Variants in SCN11A observed in about 807,000 individuals in gnomAD.
The protein encoded by SCN11A is sodium channel protein type 11 subunit alpha.
SCN11A carries 122 observed loss-of-function variants against 162.2 expected under a neutral mutation model. The ratio of observed to expected loss-of-function variants is 0.75; its 90% CI spans 0.65 to 0.87. The LOEUF is 0.87. SCN11A is among the 40% of genes least tolerant of loss of function. SCN11A has a pLI of 0.00. For missense variants in SCN11A, 2,015 were observed against 2,181.6 expected, an observed-to-expected ratio of 0.92 and a Z score of 1.52; for synonymous variants, 758 against 751.5, an observed-to-expected ratio of 1.01 and a Z score of -0.14.
chr3:38,910,980 A>G (rs1424146640), intron 11 of SCN11A, among the ~76,000 whole-genome samples: 1 of 152,210 alleles, frequency 6.6e-6, no homozygotes, highest in African/African-American at 2.4e-5. Context: ...CATGCACCAA[A>G]AAGCTTATAA....
At chr3:38,933,429 C>T (rs2125561001) in intron 7 of SCN11A, among the ~76,000 whole-genome samples, 1 of 152,282 alleles carries the variant, frequency 6.6e-6, no homozygotes, top group Middle Eastern at 3.4e-3. Context: ...CTACTCCGAG[C>T]TACAGGAGGA....
chr3:39,009,176 AAAT>A (rs1398043266), intron 2 of SCN11A, among the ~76,000 whole-genome samples: 2 of 152,100 alleles, frequency 1.3e-5, no homozygotes, highest in Non-Finnish European at 2.9e-5. Context: ...AAAATATGTA[AAAT>A]AATATCATTC....
chr3:38,996,157 T>TA (rs200258380), intron 2 of SCN11A, among the ~76,000 whole-genome samples: 1 of 152,176 alleles, frequency 6.6e-6, no homozygotes, highest in Non-Finnish European at 1.5e-5. Flanking sequence ...CTATAAGAAA[T>TA]AAATTTTTTT....
chr3:38,916,339 G>A (rs1328378971), intron 11 of SCN11A, among the ~76,000 whole-genome samples: 6 of 152,020 alleles, frequency 3.9e-5, no homozygotes, highest in Non-Finnish European at 8.8e-5. Context: ...TAGTCTTTCT[G>A]TCTCCTAAAC....
intron 2 of SCN11A, among the ~76,000 whole-genome samples, chr3:39,010,069 T>C (rs1231485815): frequency 6.6e-6 from 1 of 152,056 alleles, no homozygotes; most frequent in Admixed American, 6.5e-5. Flanking sequence ...TAGGGGCAAG[T>C]CTAGTTAAAC....
At chr3:39,023,989 GT>G (rs1468166805) in intron 2 of SCN11A, among the ~76,000 whole-genome samples, 1 of 152,104 alleles carries the variant, frequency 6.6e-6, no homozygotes, top group Admixed American at 6.6e-5. Context: ...CCAATCACCA[GT>G]TTTTTCTGTC....
intron 18 of SCN11A, among the ~76,000 whole-genome samples, chr3:38,895,919 A>C (rs1272384051): frequency 6.6e-6 from 1 of 152,168 alleles, no homozygotes; most frequent in Non-Finnish European, 1.5e-5. Context: ...GGATAAAGCT[A>C]TCGTGTGTAG....
At chr3:38,964,600 A>G (rs1441837821) in intron 2 of SCN11A, among the ~76,000 whole-genome samples, 1 of 152,230 alleles carries the variant, frequency 6.6e-6, no homozygotes, top group Non-Finnish European at 1.5e-5. Flanking sequence ...AAACTGAAGC[A>G]TAGAGGATGA....
intron 22 of SCN11A, among the ~76,000 whole-genome samples, chr3:38,881,402 G>T (rs2065306812): frequency 6.6e-6 from 1 of 152,164 alleles, no homozygotes; most frequent in Non-Finnish European, 1.5e-5. Flanking sequence ...ATGGTATTGG[G>T]TGCTCATTTC....
At chr3:38,995,023 C>T (rs78507459) in intron 2 of SCN11A, among the ~76,000 whole-genome samples, 1,961 of 152,242 alleles carry the variant, frequency 0.013, 18 homozygotes, top group Middle Eastern at 0.024. Flanking sequence ...TACAGACACA[C>T]TTCCTGGGAA....
chr3:38,886,657 T>C (rs1047425822), intron 19 of SCN11A, among the ~76,000 whole-genome samples: 2 of 152,216 alleles, frequency 1.3e-5, no homozygotes, highest in African/African-American at 4.8e-5. Flanking sequence ...TATAATCTTA[T>C]GACATTCTGA....
chr3:39,051,841 T>C lies in SCN11A; in HGVS notation c.-404+20A>G, dbSNP rs1295914878. Among the ~76,000 whole-genome samples the C allele has an allele frequency of 6.6e-6, 1 of 152,174 alleles. No homozygotes were observed. The highest frequency in any genetic ancestry group is 1.5e-5 in the Non-Finnish European group (1 of 68,016). ...TCAGCATTATACTTGCACAGTGGTT[T>C]TGTTTTTAGGTGCATCTACCTCATC... On this transcript the variant is annotated intron_variant, in intron 1 of 29. Coordinates refer to ENST00000302328, the MANE Select transcript of SCN11A (RefSeq NM_001349253.2).
rs773154328 is a variant in SCN11A at position 38,908,926 on chromosome 3, A to C, written c.1299+71T>G. 5 of 1,354,566 alleles carry C rather than the reference A, an allele frequency of 3.7e-6. No individual in the cohort carries two copies. The South Asian group carries it at 6.0e-5, about 16-fold the overall frequency. The allele number at this position is 1,354,566 out of a possible 1,614,324, so 83.9% of individuals were successfully genotyped here. On this transcript the variant is annotated intron_variant, in intron 13 of 29. Coordinates refer to ENST00000302328, the MANE Select transcript of SCN11A (RefSeq NM_001349253.2). ...GCCAAGGGTGGCAGCCTTGAGTCTC[A>C]GGTCACATTGCCTCTGGGGACCCCT...
intron 16 of SCN11A, among the ~76,000 whole-genome samples, chr3:38,901,585 C>T (rs2065700310): frequency 6.6e-6 from 1 of 152,156 alleles, no homozygotes; most frequent in Non-Finnish European, 1.5e-5. Flanking sequence ...AATCTCTACC[C>T]TAGAGAGTTA....
Position 38,905,238 on chromosome 3 carries a change from C to A in SCN11A, c.1557G>T (p.Arg519Ser). 1 of 1,614,002 alleles carries A rather than the reference C, an allele frequency of 6.2e-7. No individual in the cohort carries two copies. The highest frequency in any genetic ancestry group is 8.5e-7 in the Non-Finnish European group (1 of 1,179,948). The change falls in exon 15 of 30, where the codon AGG (arginine) becomes AGT (serine). Residue 519 changes from arginine (R) to serine (S), a missense_variant. Coordinates refer to ENST00000302328, the MANE Select transcript of SCN11A (RefSeq NM_001349253.2). ...HFDEHGDPLQRQRALSAVSIL... is the reference protein window; with the variant it reads ...HFDEHGDPLQSQRALSAVSIL... ...TGCTGACAGCACTCAGTGCTCTCTG[C>A]CTTTGGAGAGGATCTCCATGCTCAT... is the stretch of plus-strand genomic sequence containing the variant.
intron 23 of SCN11A, among the ~76,000 whole-genome samples, chr3:38,876,729 G>A (rs2065213301): frequency 6.6e-6 from 1 of 152,142 alleles, no homozygotes; most frequent in African/African-American, 2.4e-5. Flanking sequence ...GTGGTGAAAA[G>A]AGAACACTTC....
intron 28 of SCN11A, 136 bp from the exon 29 acceptor site, chr3:38,850,887 C>A: frequency 3.2e-6 from 2 of 632,316 alleles, no homozygotes; most frequent in Non-Finnish European, 5.1e-6. Context: ...AGACCCTTTT[C>A]AAAGGGCAAG....
chr3:38,921,437 G>C (rs577233946), intron 9 of SCN11A, among the ~76,000 whole-genome samples, 182 bp from the exon 10 acceptor site: 1 of 152,322 alleles, frequency 6.6e-6, no homozygotes, highest in African/African-American at 2.4e-5. Flanking sequence ...TGGAAGCTGA[G>C]TGTCATCAAA....
intron 18 of SCN11A, among the ~76,000 whole-genome samples, chr3:38,895,360 C>T (rs1470335412): frequency 6.6e-6 from 1 of 152,148 alleles, no homozygotes; most frequent in Non-Finnish European, 1.5e-5. Context: ...GATATTCAAG[C>T]CCAATGTACA....
Sources: allele counts gnomAD v4.1 joint callset (sites outside exome capture counted in the v4.1 genomes callset), GRCh38; gene constraint gnomAD v4.1.1; transcripts MANE v1.5; gene names NCBI Gene and HGNC (gene_info 2026-07-23, HGNC 2026-07-21).